Variants in NDRG3 observed in about 807,000 individuals in gnomAD.
The protein encoded by NDRG3 is protein NDRG3.
A neutral mutation model predicts 57.2 loss-of-function variants in NDRG3; 23 were observed. The ratio of observed to expected loss-of-function variants is 0.40; its 90% CI spans 0.29 to 0.57. NDRG3 has a LOEUF of 0.57. NDRG3 is among the 20% of genes least tolerant of loss of function. The pLI is 0.42. For synonymous variants in NDRG3, 132 were observed against 162.6 expected, an observed-to-expected ratio of 0.81 and a Z score of 1.43; for missense variants, 384 against 457.3, an observed-to-expected ratio of 0.84 and a Z score of 1.46.
At chr20:36,738,610 G>A (rs1431180598) in intron 1 of NDRG3, among the ~76,000 whole-genome samples, 1 of 151,688 alleles carries the variant, frequency 6.6e-6, no homozygotes, top group Non-Finnish European at 1.5e-5. Context: ...ATCACTTGAG[G>A]TGAGGAGTTT....
At chr20:36,737,013 C>T (rs1008809540) in intron 1 of NDRG3, among the ~76,000 whole-genome samples, 2 of 152,118 alleles carry the variant, frequency 1.3e-5, no homozygotes, top group African/African-American at 2.4e-5. Flanking sequence ...TGCAATAGGC[C>T]CACCTTCCTG....
intron 13 of NDRG3, among the ~76,000 whole-genome samples, chr20:36,659,455 G>A (rs1568621529): frequency 6.6e-6 from 1 of 152,058 alleles, no homozygotes; most frequent in Non-Finnish European, 1.5e-5. Flanking sequence ...ATGTAAAAAT[G>A]TATAGGAAAA....
chr20:36,685,455 C>T lies in NDRG3; in HGVS notation c.321-980G>A, dbSNP rs1194581503. On this transcript the variant is annotated intron_variant, in intron 5 of 15. Transcript: ENST00000349004. ...GCTTCTGAGTAGCTGGGACTACAGG[C>T]GCATGCCACCATGCCTGGCTAATTT... is the stretch of plus-strand genomic sequence containing the variant. Among the ~76,000 whole-genome samples the T allele has an allele frequency of 5.9e-5, 9 of 152,004 alleles. 1 individual carries two copies. Among genetic ancestry groups the T allele is most frequent in the East Asian group, 3.9e-4 (2 of 5,190 alleles).
chr20:36,660,320 GGAA>G lies in NDRG3; in HGVS notation c.858+14_858+16del. 6.3e-7 allele frequency: 1 copy of G among 1,589,086 alleles called. No individual in the cohort carries two copies. Among genetic ancestry groups the G allele is most frequent in the Non-Finnish European group, 8.6e-7 (1 of 1,161,562 alleles). Reference sequence around the variant, plus strand: ...AGCACATATAAGGGTTGGAAGTGAGGGAAGAAGGCACATTACCTTTAGCAAAGT... The same window carrying G: ...AGCACATATAAGGGTTGGAAGTGAGGGAAGGCACATTACCTTTAGCAAAGT... On this transcript the variant is annotated intron_variant, in intron 13 of 15. Coordinates refer to ENST00000349004, the MANE Select transcript of NDRG3 (RefSeq NM_032013.4).
chr20:36,729,533 C>CT (rs1187695196), intron 1 of NDRG3, among the ~76,000 whole-genome samples: 121 of 145,844 alleles, frequency 8.3e-4, no homozygotes, highest in East Asian at 1.2e-3. Context: ...TAGCAACAAT[C>CT]TTTTTTTTTT....
chr20:36,700,585 T>G (rs1983159689), intron 3 of NDRG3: 1 of 463,252 alleles, frequency 2.2e-6, no homozygotes. Flanking sequence ...GTTGCTACCT[T>G]TTTGTCTTAG....
At chr20:36,733,662 A>G (rs1001158455) in intron 1 of NDRG3, among the ~76,000 whole-genome samples, 18 of 151,602 alleles carry the variant, frequency 1.2e-4, no homozygotes, top group African/African-American at 1.9e-4. Context: ...ACGCCACTAC[A>G]CTCTAGCCTG....
intron 2 of NDRG3, among the ~76,000 whole-genome samples, chr20:36,720,468 T>C (rs1487293088): frequency 6.6e-6 from 1 of 151,892 alleles, no homozygotes; most frequent in African/African-American, 2.4e-5. Context: ...CCACTGCACC[T>C]GGCCAAAACC....
chr20:36,657,331 T>C (rs145146902), intron 13 of NDRG3, among the ~76,000 whole-genome samples: 17 of 151,986 alleles, frequency 1.1e-4, no homozygotes, highest in African/African-American at 3.6e-4. Flanking sequence ...CTACTAAAAA[T>C]ACAAAAATTA....
At chr20:36,732,574 C>G (rs988607550) in intron 1 of NDRG3, among the ~76,000 whole-genome samples, 5 of 152,150 alleles carry the variant, frequency 3.3e-5, no homozygotes, top group Non-Finnish European at 4.4e-5. Flanking sequence ...GCAGGATGAC[C>G]TTTTTGAGTC....
chr20:36,726,746 G>A (rs1984956802), intron 1 of NDRG3, among the ~76,000 whole-genome samples: 1 of 152,080 alleles, frequency 6.6e-6, no homozygotes, highest in Non-Finnish European at 1.5e-5. Context: ...GTAGGAGGGA[G>A]GATTGATAAG....
intron 2 of NDRG3, among the ~76,000 whole-genome samples, chr20:36,713,443 G>C (rs1000352807): frequency 6.6e-6 from 1 of 152,158 alleles, no homozygotes; most frequent in Non-Finnish European, 1.5e-5. Context: ...GAAAAAAAAG[G>C]GGGGTGTGAA....
Position 36,696,586 on chromosome 20 carries a change from C to A in NDRG3, c.94-7802G>T, listed in dbSNP as rs528027482. Among the ~76,000 whole-genome samples the A allele has an allele frequency of 2.0e-5, 3 of 151,932 alleles. No homozygotes were observed. In the East Asian group the frequency reaches 5.8e-4, roughly 29 times the overall value. ...TTGGCTCACTGAAATCCCCACCTCC[C>A]GGGTTCAAGTGATTCCCCTGCCTCA... On this transcript the variant is annotated intron_variant, in intron 3 of 15. Transcript: ENST00000349004.
rs752706652 is a variant in NDRG3 at position 36,653,725 on chromosome 20, TAGA to T, written c.947-27_947-25del. ...TACTGTAACAGAGAACCAAGGGGAC[TAGA>T]AGATGAAGCCCCGGTTAAGCCCAGC... On this transcript the variant is annotated intron_variant, in intron 15 of 15. Transcript: ENST00000349004. This position sits in a 1 kb window ranked among gnomAD's most constrained non-coding sequence, Gnocchi z 4.2. 3 of 1,602,912 alleles carry T rather than the reference TAGA, an allele frequency of 1.9e-6. No homozygotes were observed.
chr20:36,707,105 C>T (rs898908193), intron 2 of NDRG3, 98 bp from the exon 3 acceptor site: 2 of 1,084,350 alleles, frequency 1.8e-6, no homozygotes, highest in Non-Finnish European at 2.8e-6. Flanking sequence ...CATGTGCAGC[C>T]TCTTGGTTGC....
rs148793433 is a variant in NDRG3, at chr20:36,666,360, T to A, written c.621A>T (p.Gln207His). ...CTTGGGCAATATGCATTCTGTAGGTTTGGATCAGGTCCAGGTTGGCCTGTA... is the reference window on the plus strand; with the variant it reads ...CTTGGGCAATATGCATTCTGTAGGTATGGATCAGGTCCAGGTTGGCCTGTA... ...EELQANLDLI[Q>H]TYRMHIAQDI... Residue 207 changes from glutamine (Q) to histidine (H), a missense_variant, in exon 10 of 16, where the codon CAA becomes CAT. Gln to His is a conservative substitution (Grantham distance 24, BLOSUM62 0). Transcript: ENST00000349004. 1 of 1,614,130 alleles carries A rather than the reference T, an allele frequency of 6.2e-7. No homozygotes were observed. The highest frequency in any genetic ancestry group is 1.3e-5 in the African/African-American group (1 of 75,048).
intron 1 of NDRG3, among the ~76,000 whole-genome samples, chr20:36,725,510 G>A (rs1259621503): frequency 6.6e-5 from 10 of 150,748 alleles, no homozygotes; most frequent in Non-Finnish European, 1.5e-4. Context: ...GCTGAGGCAG[G>A]AGAATCGCTT....
At chr20:36,687,639 C>A (rs1331261368) in intron 4 of NDRG3, 27 bp from the exon 5 acceptor site, 1 of 1,605,110 alleles carries the variant, frequency 6.2e-7, no homozygotes. Flanking sequence ...ACCCATAAGT[C>A]ACAGGCTCTC....
At chr20:36,719,010 C>T (rs901854695) in intron 2 of NDRG3, among the ~76,000 whole-genome samples, 2 of 152,124 alleles carry the variant, frequency 1.3e-5, no homozygotes, top group African/African-American at 4.8e-5. Flanking sequence ...TTTCCTTCCT[C>T]CTCTCCTAGG....
Sources: allele counts gnomAD v4.1 joint callset (sites outside exome capture counted in the v4.1 genomes callset), GRCh38; gene constraint gnomAD v4.1.1; non-coding constraint Gnocchi (gnomAD v3.1); transcripts MANE v1.5; gene names NCBI Gene and HGNC (gene_info 2026-07-23, HGNC 2026-07-21).